STK33: variants seen among roughly 807,000 people sequenced by gnomAD.
STK33 encodes the protein serine/threonine-protein kinase 33.
In STK33, 52 loss-of-function variants were observed where a neutral mutation model predicts 58.0. The ratio of observed to expected loss-of-function variants is 0.90; its 90% confidence interval spans 0.72 to 1.13. The LOEUF (loss-of-function observed/expected upper bound fraction) is 1.13. STK33 is among the 50% of genes most tolerant of loss of function. The pLI is 0.00. For missense variants in STK33, 630 were observed against 604.2 expected, an observed-to-expected ratio of 1.04 and a Z score of -0.45; for synonymous variants, 215 against 200.1, an observed-to-expected ratio of 1.07 and a Z score of -0.63.
At chr11:8,551,696 G>C (rs1220405027) in intron 1 of STK33, among the ~76,000 whole-genome samples, 1 of 152,108 alleles carries the variant, frequency 6.6e-6, no homozygotes, top group Non-Finnish European at 1.5e-5. Context: ...AGAACTTGTA[G>C]GGAGCATCAG....
the STK33 span, among the ~76,000 whole-genome samples, chr11:8,338,371 C>T: frequency 0.018 from 2,730 of 152,296 alleles, 90 homozygotes; most frequent in African/African-American, 0.063. Flanking sequence ...CACTGACTGC[C>T]CTAGCTTTGG....
At chr11:8,516,300 T>A (rs779550721) in intron 1 of STK33, among the ~76,000 whole-genome samples, 7 of 152,158 alleles carry the variant, frequency 4.6e-5, no homozygotes, top group African/African-American at 7.2e-5. Flanking sequence ...GAATACACAA[T>A]GGAGAAAGAA....
At chr11:8,542,873 C>A (rs1955630047) in intron 1 of STK33, among the ~76,000 whole-genome samples, 1 of 152,052 alleles carries the variant, frequency 6.6e-6, no homozygotes. Context: ...CCACACCCAG[C>A]TAATTATTGT....
chr11:8,405,097 T>C (rs138469973), intron 15 of STK33, among the ~76,000 whole-genome samples: 1,904 of 152,124 alleles, frequency 0.013, 40 homozygotes, highest in African/African-American at 0.043. Context: ...GATTGCGCCA[T>C]TGCAATCCAG....
intron 1 of STK33, among the ~76,000 whole-genome samples, chr11:8,507,660 A>G (rs1265057317): frequency 6.6e-6 from 1 of 151,678 alleles, no homozygotes; most frequent in African/African-American, 2.4e-5. Context: ...CTGATGAAAA[A>G]CCTCTGTCTC....
At position 8,555,347 on chromosome 11, in the gene STK33, T is replaced by C. The variant is rs190948893; in HGVS notation, c.-466+38736A>G. Among the ~76,000 whole-genome samples the C allele has an allele frequency of 9.9e-5, 15 of 152,208 alleles. No individual in the cohort carries two copies. In the East Asian group the frequency reaches 1.4e-3, roughly 14 times the overall value. Reference sequence around the variant, plus strand: ...ACAGCAGGGTGACTATAGTCAGTAATAGCATATTGCACGTTTAAAAATAAT... The same window carrying C: ...ACAGCAGGGTGACTATAGTCAGTAACAGCATATTGCACGTTTAAAAATAAT... On this transcript the variant is annotated intron_variant, in intron 1 of 15. Coordinates refer to ENST00000687296, the MANE Select transcript of STK33 (RefSeq NM_001352389.2).
chr11:8,489,257 C>CAAAAAAAAAAAAAAAAAAAAAAAAAA (rs377017514), intron 1 of STK33, among the ~76,000 whole-genome samples: 1 of 64,362 alleles, frequency 1.6e-5, no homozygotes, highest in Non-Finnish European at 2.9e-5. Context: ...AAGCTATCTC[C>CAAAAAAAAAAAAAAAAAAAAAAAAAA]AAAAAAAAAA....
the STK33 span, among the ~76,000 whole-genome samples, chr11:8,367,902 G>A: frequency 2.6e-5 from 4 of 152,008 alleles, no homozygotes; most frequent in Non-Finnish European, 4.4e-5. Flanking sequence ...CAGTGCACAC[G>A]CCCAAACCCA....
chr11:8,430,487 G>A (rs1943284512), intron 14 of STK33, among the ~76,000 whole-genome samples: 1 of 152,018 alleles, frequency 6.6e-6, no homozygotes, highest in South Asian at 2.1e-4. Context: ...ACTAATGACA[G>A]CTGAAGAGCA....
chr11:8,448,477 T>C (rs558361333), intron 11 of STK33, among the ~76,000 whole-genome samples: 8 of 150,086 alleles, frequency 5.3e-5, no homozygotes, highest in Non-Finnish European at 1.0e-4. Context: ...GAAATAATGC[T>C]GCATATCTAC....
At chr11:8,583,465 T>TTGACATGTACTATGGAAATGACTAGA (rs2030815465) in intron 1 of STK33, among the ~76,000 whole-genome samples, 1 of 152,230 alleles carries the variant, frequency 6.6e-6, no homozygotes, top group East Asian at 1.9e-4. Context: ...GGAGCAAGTC[T>TTGACATGTACTATGGAAATGACTAGA]TGACATGTAC....
chr11:8,406,480 G>C (rs1197148424), intron 15 of STK33, among the ~76,000 whole-genome samples: 1 of 152,136 alleles, frequency 6.6e-6, no homozygotes. Flanking sequence ...CATCTTAATA[G>C]TACCAAATAT....
intron 1 of STK33, among the ~76,000 whole-genome samples, chr11:8,489,656 C>T (rs1353093510): frequency 6.6e-6 from 1 of 152,130 alleles, no homozygotes; most frequent in East Asian, 1.9e-4. Context: ...CTCTTATGAC[C>T]TAATCACCTC....
Position 8,485,628 on chromosome 11 carries a change from T to C in STK33, c.-465-5014A>G, listed in dbSNP as rs903971116. ...TTATAACAGAAAAGAAAAAGTTGAC[T>C]ATAAAGTTGACCAGTTTAATCACTG... On this transcript the variant is annotated intron_variant, in intron 1 of 15. Transcript: ENST00000687296. 3.3e-5 allele frequency among the ~76,000 whole-genome samples: 5 copies of C among 152,216 alleles called. No individual in the cohort carries two copies. The East Asian group carries it at 9.6e-4, about 29-fold the overall frequency.
At chr11:8,337,341 C>A in the STK33 span, among the ~76,000 whole-genome samples, 5 of 152,186 alleles carry the variant, frequency 3.3e-5, no homozygotes, top group Non-Finnish European at 5.9e-5. Context: ...TATTGATTTT[C>A]TTTCAACCTG....
chr11:8,415,583 A>C (rs890963346), intron 14 of STK33, among the ~76,000 whole-genome samples: 8 of 152,102 alleles, frequency 5.3e-5, no homozygotes, highest in African/African-American at 1.9e-4. Context: ...CCTCCCAGCC[A>C]ATTGGTCATG....
chr11:8,470,665 T>C (rs1948692659), intron 6 of STK33, among the ~76,000 whole-genome samples: 2 of 152,210 alleles, frequency 1.3e-5, no homozygotes, highest in East Asian at 3.8e-4. Context: ...GACTCTTCCT[T>C]TCACTTAAAA....
In STK33 at chr11:8,563,534, C is replaced by T. The variant is rs75587085; in HGVS notation, c.-466+30549G>A. Among the ~76,000 whole-genome samples the T allele has an allele frequency of 6.9e-3, 1,043 of 152,208 alleles. 6 individuals are homozygous for T. Among genetic ancestry groups the T allele is most frequent in the Admixed American group, 0.012 (182 of 15,284 alleles). ...GGGCAGGTCATCATAAATAATCAGT[C>T]CCTTTGGGCTGTGCAGGACCATTCT... is the stretch of plus-strand genomic sequence containing the variant. On this transcript the variant is annotated intron_variant, in intron 1 of 15. Coordinates refer to ENST00000687296, the MANE Select transcript of STK33 (RefSeq NM_001352389.2).
chr11:8,537,813 A>C lies in STK33; in HGVS notation c.-466+56270T>G, dbSNP rs1035012591. Among the ~76,000 whole-genome samples, 456 of 150,922 alleles carry C rather than the reference A, an allele frequency of 3.0e-3. 1 individual carries two copies. Among genetic ancestry groups the C allele is most frequent in the African/African-American group, 0.01 (426 of 41,090 alleles). On this transcript the variant is annotated intron_variant, in intron 1 of 15. Transcript: ENST00000687296. ...GAACAGAGCGAGACTCTGTTTCAAA[A>C]AAAAAAAAAAATTAAAAAAATAATA...
Sources: allele counts gnomAD v4.1 joint callset (sites outside exome capture counted in the v4.1 genomes callset), GRCh38; gene constraint gnomAD v4.1.1; transcripts MANE v1.5; gene names NCBI Gene and HGNC (gene_info 2026-07-23, HGNC 2026-07-21).